The following ERMARD variants were observed in gnomAD, a reference collection of about 807,000 sequenced individuals.
The protein encoded by ERMARD is endoplasmic reticulum membrane-associated RNA degradation protein.
A neutral mutation model predicts 83.9 loss-of-function variants in ERMARD; 71 were observed. That is an observed-to-expected ratio of 0.85 (90% CI 0.70 to 1.03). ERMARD has a LOEUF of 1.03. Ranked by LOEUF, ERMARD falls within the 50% of genes least tolerant of loss-of-function variation. The pLI is 0.00. For synonymous variants in ERMARD, 284 were observed against 298.6 expected (o/e 0.95, Z 0.50); for missense variants, 838 against 810.9 (o/e 1.03, Z -0.41).
At chr6:169,761,054 G>A (rs1028546793) in intron 8 of ERMARD, among the ~76,000 whole-genome samples, 4 of 152,240 alleles carry the variant, frequency 2.6e-5, no homozygotes, top group East Asian at 1.9e-4. Context: ...ACATAGATAA[G>A]CCAGCTTCGT....
chr6:169,772,062 C>T (rs1453950784), intron 12 of ERMARD: 1 of 152,348 alleles, frequency 6.6e-6, no homozygotes, highest in African/African-American at 2.4e-5. Flanking sequence ...TCTGCTACTC[C>T]CTGTCCCTCC....
At chr6:169,768,439 C>T (rs1024025869) in intron 11 of ERMARD, among the ~76,000 whole-genome samples, 2 of 152,122 alleles carry the variant, frequency 1.3e-5, no homozygotes, top group Non-Finnish European at 2.9e-5. Context: ...TGCTGTAGAA[C>T]GGACATATAT....
chr6:169,751,621 C>A, upstream of ERMARD: 1 of 1,578,632 alleles, frequency 6.3e-7, no homozygotes. Flanking sequence ...CAGGCGCCTG[C>A]GTCATTCACG....
chr6:169,779,550 A>G lies in ERMARD; in HGVS notation c.1853+255A>G, dbSNP rs887399441. 3.3e-5 allele frequency among the ~76,000 whole-genome samples: 5 copies of G among 152,064 alleles called. No individual in the cohort carries two copies. The East Asian group carries it at 7.7e-4, about 23-fold the overall frequency. ...TGTTCTGTTGCCCATGCTGGAGTGC[A>G]GTGGCATAATCACAGCTCACTGCAG... On this transcript the variant is annotated intron_variant, in intron 17 of 17. Coordinates refer to ENST00000366773, the MANE Select transcript of ERMARD (RefSeq NM_018341.3).
In ERMARD at chr6:169,776,488, A is replaced by C; in HGVS notation, c.1554A>C (p.Thr518=). ...WPQLLRELCS[T]PVPTLFCPRI... is the part of the protein sequence containing the mutation. ...AGCTTCTCCGTGAGCTCTGCAGCAC[A>C]CCTGTTCCCACCCTGTTCTGCCCCA... The change falls in exon 16 of 18, where the codon ACA becomes ACC. Residue 518 remains threonine (T), a synonymous_variant. Transcript: ENST00000366773. The C allele has an allele frequency of 6.2e-7, 1 of 1,614,056 alleles. No individual in the cohort carries two copies. The highest frequency in any genetic ancestry group is 8.5e-7 in the Non-Finnish European group (1 of 1,180,000).
intron 11 of ERMARD, among the ~76,000 whole-genome samples, chr6:169,768,760 C>T (rs115616562): frequency 0.017 from 2,654 of 152,070 alleles, 78 homozygotes; most frequent in African/African-American, 0.06. Context: ...AGCAAGACTC[C>T]GTCTGAAAAT....
chr6:169,760,979 C>T (rs1320189796), intron 8 of ERMARD, among the ~76,000 whole-genome samples: 1 of 151,398 alleles, frequency 6.6e-6, no homozygotes, highest in Non-Finnish European at 1.5e-5. Context: ...AATTATTTTT[C>T]AGGATCCACT....
upstream of ERMARD, chr6:169,751,529 G>T: frequency 6.2e-7 from 1 of 1,610,320 alleles, no homozygotes. Flanking sequence ...AGCCAGTCCC[G>T]CGAGGGCGGA....
intron 14 of ERMARD, 29 bp downstream of exon 14, chr6:169,775,375 C>G (rs1353263414): frequency 6.2e-7 from 1 of 1,610,764 alleles, no homozygotes; most frequent in Admixed American, 1.7e-5. Flanking sequence ...CCTGGCTGAC[C>G]TCAAGCTTGT....
At chr6:169,755,122 A>G (rs1790633546) in intron 2 of ERMARD, among the ~76,000 whole-genome samples, 161 bp from the exon 3 acceptor site, 1 of 152,194 alleles carries the variant, frequency 6.6e-6, no homozygotes. Context: ...TATGTGATTT[A>G]TTTCCAACAA....
In ERMARD at chr6:169,775,303, G is replaced by A; in HGVS notation, c.1351G>A (p.Ala451Thr). ...LSCEESIRVW[A>T]LLPFPEELTR... The stretch of plus-strand genomic sequence containing the variant: ...CTGTGAGGAGAGCATCAGGGTTTGG[G>A]CTCTGCTGCCTTTCCCCGAAGAACT... The change falls in exon 14 of 18, where the codon GCT (alanine) becomes ACT (threonine). Residue 451 changes from alanine (A) to threonine (T), a missense_variant. Ala to Thr is a moderately conservative substitution (Grantham distance 58, BLOSUM62 0). Coordinates refer to ENST00000366773, the MANE Select transcript of ERMARD (RefSeq NM_018341.3). 6.2e-7 allele frequency: 1 copy of A among 1,614,184 alleles called. No homozygotes were observed. The highest frequency in any genetic ancestry group is 8.5e-7 in the Non-Finnish European group (1 of 1,180,036).
intron 13 of ERMARD, 101 bp downstream of exon 13, chr6:169,773,503 C>T: frequency 2.5e-6 from 3 of 1,185,720 alleles, no homozygotes; most frequent in Non-Finnish European, 3.7e-6. Flanking sequence ...CTGAGTCAGA[C>T]TTTGAGTTGG....
intron 6 of ERMARD, among the ~76,000 whole-genome samples, chr6:169,759,482 C>T (rs563297152): frequency 4.6e-5 from 7 of 152,108 alleles, no homozygotes; most frequent in Admixed American, 1.3e-4. Flanking sequence ...TGCCATGATA[C>T]ATTCTCAGCT....
rs753448490 is a variant in ERMARD at position 169,756,370 on chromosome 6, T to C, written c.348T>C (p.Ser116=). 1 of 1,611,166 alleles carries C rather than the reference T, an allele frequency of 6.2e-7. No individual in the cohort carries two copies. Among genetic ancestry groups the C allele is most frequent in the African/African-American group, 1.3e-5 (1 of 74,846 alleles). Residue 116 remains serine, a synonymous_variant, in exon 4 of 18, where the codon AGT becomes AGC. Transcript: ENST00000366773. ...CTGAAATATTTGATGCCTTGGAAAGTCTACAATCTCCTGCTATTTCTCTTA... is the reference window on the plus strand; with the variant it reads ...CTGAAATATTTGATGCCTTGGAAAGCCTACAATCTCCTGCTATTTCTCTTA... ...LFPEIFDALE[S]LQSPAISLSL...
intron 9 of ERMARD, 149 bp from the exon 10 acceptor site, chr6:169,766,489 C>G (rs1467201071): frequency 1.8e-6 from 1 of 569,138 alleles, no homozygotes; most frequent in Non-Finnish European, 3.0e-6. Context: ...AGTGACATTC[C>G]TCTCATAGTG....
chr6:169,758,683 C>T (rs937736770), intron 5 of ERMARD, among the ~76,000 whole-genome samples: 6 of 152,150 alleles, frequency 3.9e-5, no homozygotes, highest in Non-Finnish European at 8.8e-5. Context: ...CCTTTGAGAC[C>T]TTGGTTTCAC....
chr6:169,751,541 G>A (rs957095759), upstream of ERMARD: 1 of 1,610,566 alleles, frequency 6.2e-7, no homozygotes, highest in African/African-American at 1.3e-5. Context: ...GAGGGCGGAA[G>A]TCTCCCACCT....
At chr6:169,757,779 G>A (rs1340189738) in intron 5 of ERMARD, among the ~76,000 whole-genome samples, 1 of 152,190 alleles carries the variant, frequency 6.6e-6, no homozygotes, top group East Asian at 1.9e-4. Context: ...ATTCTTTTCT[G>A]TGGATCTTTA....
At chr6:169,766,748 A>G in intron 10 of ERMARD, 81 bp downstream of exon 10, 1 of 1,395,636 alleles carries the variant, frequency 7.2e-7, no homozygotes. Context: ...ATGCAAAATT[A>G]AAGATCAGCC....
Sources: gnomAD v4.1 joint callset for allele counts (sites outside exome capture counted in the v4.1 genomes callset) on GRCh38, gnomAD v4.1.1 for gene constraint, MANE v1.5 for transcripts, NCBI Gene and HGNC (gene_info 2026-07-23, HGNC 2026-07-21) for gene names.